The following C12orf42 variants were observed in gnomAD, a reference collection of about 807,000 sequenced individuals.
The protein encoded by C12orf42 is chromosome 12 open reading frame 42.
C12orf42 carries 25 observed loss-of-function variants against 21.6 expected under a neutral mutation model. The ratio of observed to expected loss-of-function variants is 1.16; its 90% confidence interval spans 0.84 to 1.62. C12orf42 has a LOEUF of 1.62. C12orf42 is among the 40% of genes most tolerant of loss of function. The pLI, the probability that C12orf42 is intolerant of heterozygous loss-of-function variation, is 0.00. For synonymous variants in C12orf42, 174 were observed against 175.0 expected, an observed-to-expected ratio of 0.99 and a Z score of 0.05; for missense variants, 483 against 459.3, an observed-to-expected ratio of 1.05 and a Z score of -0.47.
chr12:103,095,830 T>G, the C12orf42 span, among the ~76,000 whole-genome samples: 7 of 152,132 alleles, frequency 4.6e-5, no homozygotes, highest in Non-Finnish European at 8.8e-5. Flanking sequence ...GAGCTTCTGG[T>G]CTAGTGGTTC....
the C12orf42 span, among the ~76,000 whole-genome samples, chr12:103,551,063 C>T: frequency 6.6e-6 from 1 of 152,028 alleles, no homozygotes; most frequent in Admixed American, 6.6e-5. Context: ...TACCTAAGAA[C>T]TTATTTTTAT....
chr12:103,367,814 T>A (rs1009248466), intron 4 of C12orf42, among the ~76,000 whole-genome samples: 1 of 152,046 alleles, frequency 6.6e-6, no homozygotes. Context: ...AATTTGAGTG[T>A]GTACCACAAT....
intron 4 of C12orf42, among the ~76,000 whole-genome samples, chr12:103,359,162 T>G (rs1453030867): frequency 1.3e-5 from 2 of 152,114 alleles, no homozygotes; most frequent in African/African-American, 4.8e-5. Context: ...CTCTTCAATC[T>G]TGGGTTATTC....
chr12:103,401,688 A>C lies in C12orf42; in HGVS notation c.79-13T>G. ...AGCAAGGGGATTTCTGAAACATTAG[A>C]AACAAGGCATTTAGTATCACTTCAA... On this transcript the variant is annotated splice_polypyrimidine_tract_variant and intron_variant, in intron 2 of 5. Coordinates refer to ENST00000548883, the MANE Select transcript of C12orf42 (RefSeq NM_198521.5). 6.2e-7 allele frequency: 1 copy of C among 1,611,296 alleles called. No homozygotes were observed.
At chr12:103,561,191 G>A in the C12orf42 span, among the ~76,000 whole-genome samples, 93 of 152,256 alleles carry the variant, frequency 6.1e-4, no homozygotes, top group African/African-American at 1.9e-3. Flanking sequence ...AGCCTCTTCC[G>A]TGGCTGTGGA....
chr12:103,089,451 T>C, the C12orf42 span, among the ~76,000 whole-genome samples: 8 of 152,208 alleles, frequency 5.3e-5, no homozygotes, highest in African/African-American at 1.9e-4. Context: ...TCAATGGACA[T>C]CTCTTTACAG....
intron 4 of C12orf42, among the ~76,000 whole-genome samples, chr12:103,366,053 A>G (rs1456961005): frequency 1.3e-5 from 2 of 152,126 alleles, no homozygotes; most frequent in Non-Finnish European, 2.9e-5. Context: ...ACATTACCCA[A>G]CTTCAAACTA....
the C12orf42 span, among the ~76,000 whole-genome samples, chr12:103,172,272 G>A: frequency 6.6e-6 from 1 of 152,008 alleles, no homozygotes; most frequent in Non-Finnish European, 1.5e-5. Context: ...GAGTTGAGTG[G>A]GTAGAAGAAA....
chr12:103,256,111 TACACACACAC>T lies in C12orf42; in HGVS notation c.*1366+7205_*1366+7214del, dbSNP rs199952822. ...ATATATATATATATATATATATATA[TACACACACAC>T]ACACACACACACACACACACACACG... On this transcript the variant is annotated intron_variant and NMD_transcript_variant, in intron 10 of 10. Coordinates refer to the C12orf42 transcript ENST00000547347. Among the ~76,000 whole-genome samples, 123 of 33,828 alleles carry T rather than the reference TACACACACAC, an allele frequency of 3.6e-3. 3 individuals carry two copies. Among genetic ancestry groups the T allele is most frequent in the Middle Eastern group, 0.038 (1 of 26 alleles). 22.2% of individuals were successfully genotyped at this position (33,828 alleles called of 152,430 possible).
chr12:103,061,413 C>T, the C12orf42 span, among the ~76,000 whole-genome samples: 1 of 151,918 alleles, frequency 6.6e-6, no homozygotes, highest in Non-Finnish European at 1.5e-5. Context: ...GTGTTGTTTC[C>T]ATCTTTAATA....
the C12orf42 span, among the ~76,000 whole-genome samples, chr12:103,054,798 T>A: frequency 2.6e-5 from 4 of 151,904 alleles, no homozygotes; most frequent in African/African-American, 9.7e-5. Context: ...GCATCGGATT[T>A]TATCAAAAGC....
chr12:103,217,689 T>G, the C12orf42 span, among the ~76,000 whole-genome samples: 1 of 152,180 alleles, frequency 6.6e-6, no homozygotes, highest in African/African-American at 2.4e-5. Flanking sequence ...TTGCCACTAC[T>G]TACAGAACTC....
At chr12:103,120,345 T>C in the C12orf42 span, among the ~76,000 whole-genome samples, 1 of 152,128 alleles carries the variant, frequency 6.6e-6, no homozygotes. Flanking sequence ...AGGAGACACT[T>C]GAATCAATCT....
chr12:103,495,757 C>T (rs1955509964), intron 1 of C12orf42, 145 bp downstream of exon 1: 3 of 152,454 alleles, frequency 2.0e-5, no homozygotes, highest in South Asian at 2.1e-4. Context: ...CGACGGGTTC[C>T]GCCGCTTGCC....
chr12:103,133,738 C>T, the C12orf42 span, among the ~76,000 whole-genome samples: 48,278 of 151,984 alleles, frequency 0.32, 8,118 homozygotes, highest in East Asian at 0.48. Context: ...TGGTAGTTTC[C>T]GTAATCCCCA....
At chr12:103,506,116 T>A in the C12orf42 span, 1 of 208,918 alleles carries the variant, frequency 4.8e-6, no homozygotes, top group Non-Finnish European at 9.6e-6. Context: ...GATCTTGATG[T>A]TATCATTATA....
At chr12:103,251,947 A>G (rs1307014068) in intron 10 of C12orf42, among the ~76,000 whole-genome samples, 1 of 152,176 alleles carries the variant, frequency 6.6e-6, no homozygotes, top group Non-Finnish European at 1.5e-5. Context: ...GTATATTGAT[A>G]AACAATTTAT....
chr12:103,297,222 C>G (rs868446597), downstream of C12orf42, among the ~76,000 whole-genome samples: 1 of 151,942 alleles, frequency 6.6e-6, no homozygotes, highest in African/African-American at 2.4e-5. Flanking sequence ...GGTCTATATC[C>G]CTGTTTTGGT....
intron 4 of C12orf42, among the ~76,000 whole-genome samples, chr12:103,316,391 GAC>G (rs1197023817): frequency 1.3e-5 from 2 of 151,930 alleles, no homozygotes; most frequent in Admixed American, 1.3e-4. Flanking sequence ...GACTGTTTTA[GAC>G]ACACACAAAA....
Sources: allele counts gnomAD v4.1 joint callset (sites outside exome capture counted in the v4.1 genomes callset), GRCh38; gene constraint gnomAD v4.1.1; transcripts MANE v1.5; gene names NCBI Gene and HGNC (gene_info 2026-07-23, HGNC 2026-07-21).